DLG1: variants seen among roughly 807,000 people sequenced by gnomAD.
The protein encoded by DLG1 is disks large homolog 1.
DLG1 carries 42 observed loss-of-function variants against 123.4 expected under a neutral mutation model. The ratio of observed to expected loss-of-function variants is 0.34; its 90% CI spans 0.27 to 0.44. The LOEUF (loss-of-function observed/expected upper bound fraction) is 0.44, where lower values mean the gene tolerates loss of function less well. Among genes scored for constraint, DLG1 ranks in the 20% least tolerant of loss-of-function variants. The probability of loss-of-function intolerance (pLI) is 1.00; values close to 1 mark genes in which losing one functional copy is unlikely to be tolerated. For missense variants in DLG1, 942 were observed against 1,082.6 expected (o/e 0.87, Z 1.82); for synonymous variants, 317 against 356.2 (o/e 0.89, Z 1.24).
chr3:197,157,504 G>A (rs572882248), intron 5 of DLG1, among the ~76,000 whole-genome samples: 1 of 152,140 alleles, frequency 6.6e-6, no homozygotes, highest in East Asian at 1.9e-4. Flanking sequence ...TAAAAAACTT[G>A]GGCAATGAAA....
intron 5 of DLG1, among the ~76,000 whole-genome samples, chr3:197,168,546 T>G (rs1802522983): frequency 6.6e-6 from 1 of 152,216 alleles, no homozygotes; most frequent in African/African-American, 2.4e-5. Flanking sequence ...CTGTATAAGA[T>G]TCTAAATTAG....
chr3:197,266,035 G>A (rs1300815650), intron 4 of DLG1, among the ~76,000 whole-genome samples: 2 of 152,154 alleles, frequency 1.3e-5, no homozygotes, highest in Non-Finnish European at 2.9e-5. Flanking sequence ...GGGCAACGGG[G>A]CAAGACTCCG....
intron 4 of DLG1, among the ~76,000 whole-genome samples, chr3:197,261,876 T>C (rs1295384656): frequency 3.0e-4 from 46 of 152,278 alleles, no homozygotes; most frequent in Admixed American, 3.0e-3. Context: ...TGTGTGAGGA[T>C]TAAATAATAT....
intron 24 of DLG1, among the ~76,000 whole-genome samples, chr3:197,049,707 T>C (rs1038379434): frequency 6.6e-6 from 1 of 151,964 alleles, no homozygotes; most frequent in Non-Finnish European, 1.5e-5. Flanking sequence ...GATCATGCCA[T>C]TGCACTCCAG....
chr3:197,151,642 C>T (rs1793903879), intron 5 of DLG1, among the ~76,000 whole-genome samples: 1 of 152,074 alleles, frequency 6.6e-6, no homozygotes, highest in Admixed American at 6.6e-5. Flanking sequence ...TGAAATTTTG[C>T]ATAATAAAAA....
At chr3:197,131,239 A>C (rs547138899) in intron 10 of DLG1, among the ~76,000 whole-genome samples, 3 of 152,370 alleles carry the variant, frequency 2.0e-5, no homozygotes, top group African/African-American at 7.2e-5. Flanking sequence ...AAATGGTTTT[A>C]GTAAATTTAT....
At chr3:197,128,365 G>A (rs1443213690) in intron 11 of DLG1, among the ~76,000 whole-genome samples, 1 of 152,150 alleles carries the variant, frequency 6.6e-6, no homozygotes, top group Non-Finnish European at 1.5e-5. Context: ...TTTATCATGA[G>A]GTTGCAGCAA....
chr3:197,199,400 T>A (rs1444025942), intron 4 of DLG1, among the ~76,000 whole-genome samples: 1 of 152,208 alleles, frequency 6.6e-6, no homozygotes, highest in East Asian at 1.9e-4. Flanking sequence ...GTCAAAACTC[T>A]GTTTCATGCA....
chr3:197,136,742 T>C, intron 9 of DLG1, 64 bp from the exon 10 acceptor site: 3 of 1,406,544 alleles, frequency 2.1e-6, no homozygotes, highest in East Asian at 4.6e-5. Flanking sequence ...AAAGAAATGG[T>C]TGAAAACTAC....
chr3:197,259,935 G>T (rs1758615480), intron 4 of DLG1, among the ~76,000 whole-genome samples: 1 of 152,114 alleles, frequency 6.6e-6, no homozygotes, highest in Non-Finnish European at 1.5e-5. Flanking sequence ...ATGGCATGTT[G>T]GGACACAAAG....
chr3:197,270,596 T>C (rs1488292392), intron 4 of DLG1, among the ~76,000 whole-genome samples: 1 of 152,160 alleles, frequency 6.6e-6, no homozygotes, highest in Non-Finnish European at 1.5e-5. Context: ...AAACCTCAAA[T>C]GTAGTGATTT....
intron 10 of DLG1, among the ~76,000 whole-genome samples, chr3:197,131,832 A>T (rs142513664): frequency 0.12 from 18,677 of 151,518 alleles, 1,227 homozygotes; most frequent in Middle Eastern, 0.15. Context: ...TGACCTCGTG[A>T]TCCGCCCGCC....
At position 197,191,207 on chromosome 3, in the gene DLG1, C is replaced by A. The variant is rs571400357; in HGVS notation, c.483+3218G>T. Among the ~76,000 whole-genome samples, 19 of 152,158 alleles carry A rather than the reference C, an allele frequency of 1.2e-4. No individual in the cohort carries two copies. The East Asian group carries it at 3.7e-3, about 29-fold the overall frequency. ...TGAATTTTTTGAATTAATTTAGAGA[C>A]ATAATACACCCTTGCATAAGGGAAA... On this transcript the variant is annotated intron_variant, in intron 5 of 24. Transcript: ENST00000667157.
At chr3:197,291,699 T>G (rs980016814) in intron 3 of DLG1, among the ~76,000 whole-genome samples, 1 of 152,224 alleles carries the variant, frequency 6.6e-6, no homozygotes, top group African/African-American at 2.4e-5. Context: ...TGAGTTCAAT[T>G]TCTGGCTCCG....
chr3:197,107,545 A>G (rs1767227765), intron 13 of DLG1, among the ~76,000 whole-genome samples: 1 of 152,002 alleles, frequency 6.6e-6, no homozygotes, highest in South Asian at 2.1e-4. Flanking sequence ...ACTCTGTCTC[A>G]AGAACAAAAA....
intron 5 of DLG1, among the ~76,000 whole-genome samples, chr3:197,156,639 G>A (rs1796531609): frequency 6.6e-6 from 1 of 152,090 alleles, no homozygotes; most frequent in African/African-American, 2.4e-5. Context: ...GTAACCAAAG[G>A]AGAGCAGGAG....
chr3:197,074,267 A>G (rs532983467), intron 18 of DLG1, among the ~76,000 whole-genome samples: 3 of 152,254 alleles, frequency 2.0e-5, no homozygotes, highest in East Asian at 1.9e-4. Context: ...ACAGAAATCT[A>G]TTATTCAAGA....
In DLG1 at chr3:197,184,016, T is replaced by G. The variant is rs1476297793; in HGVS notation, c.483+10409A>C. On this transcript the variant is annotated intron_variant, in intron 5 of 24. Coordinates refer to ENST00000667157, the MANE Select transcript of DLG1 (RefSeq NM_001366207.1). ...CTTCCCTCTGTACCTGTTAGCTGTA[T>G]GATGGCTGAGTTTATTTTTGCAGAC... is the stretch of plus-strand genomic sequence containing the variant. 3.0e-6 allele frequency: 4 copies of G among 1,337,492 alleles called. No individual in the cohort carries two copies. The East Asian group carries it at 1.1e-4, about 38-fold the overall frequency. The allele number at this position is 1,337,492 out of a possible 1,614,324, so 82.9% of individuals were successfully genotyped here.
At chr3:197,125,427 G>C (rs757454856) in intron 11 of DLG1, among the ~76,000 whole-genome samples, 7 of 152,102 alleles carry the variant, frequency 4.6e-5, no homozygotes, top group Non-Finnish European at 8.8e-5. Context: ...AGGGGGCAAA[G>C]GACTTGAAGA....
Sources: allele counts gnomAD v4.1 joint callset (sites outside exome capture counted in the v4.1 genomes callset), GRCh38; gene constraint gnomAD v4.1.1; transcripts MANE v1.5; gene names NCBI Gene and HGNC (gene_info 2026-07-23, HGNC 2026-07-21).